USPL1: variants seen among roughly 807,000 people sequenced by gnomAD.
USPL1 encodes SUMO-specific isopeptidase USPL1.
A neutral mutation model predicts 51.5 loss-of-function variants in USPL1; 27 were observed. The observed-to-expected ratio is 0.52, with a 90% CI of 0.39 to 0.72. The LOEUF is 0.72. Ranked by LOEUF, USPL1 falls within the 30% of genes least tolerant of loss-of-function variation. USPL1 has a pLI of 0.00. For synonymous variants in USPL1, 451 were observed against 459.6 expected (o/e 0.98, Z 0.24); for missense variants, 1,226 against 1,268.0 (o/e 0.97, Z 0.50).
chr13:30,654,328 T>C (rs1043109969), intron 8 of USPL1, among the ~76,000 whole-genome samples: 1 of 152,036 alleles, frequency 6.6e-6, no homozygotes, highest in Non-Finnish European at 1.5e-5. Context: ...CCTTCCTTCC[T>C]TCGTTCCTCT....
intron 5 of USPL1, among the ~76,000 whole-genome samples, chr13:30,641,679 C>A (rs943549454): frequency 1.3e-5 from 2 of 152,176 alleles, no homozygotes; most frequent in African/African-American, 4.8e-5. Flanking sequence ...CAACAAGATT[C>A]AAATCTTCAG....
At chr13:30,650,704 C>A (rs1457248286) in intron 7 of USPL1, among the ~76,000 whole-genome samples, 1 of 150,038 alleles carries the variant, frequency 6.7e-6, no homozygotes, top group Non-Finnish European at 1.5e-5. Flanking sequence ...TTGGAACTTA[C>A]AAAGTTTCGG....
chr13:30,639,244 A>ATATATG (rs869216850), intron 5 of USPL1, among the ~76,000 whole-genome samples: 36 of 148,330 alleles, frequency 2.4e-4, no homozygotes, highest in African/African-American at 8.2e-4. Context: ...ATATATATAT[A>ATATATG]TGTGTGTATG....
intron 4 of USPL1, among the ~76,000 whole-genome samples, chr13:30,637,012 C>T (rs1950885377): frequency 6.6e-6 from 1 of 152,190 alleles, no homozygotes; most frequent in African/African-American, 2.4e-5. Flanking sequence ...GTAGTACAAT[C>T]ACAGCTCACT....
rs1472818110 is a variant in USPL1 at position 30,658,233 on chromosome 13, CATCTCAGGT to C, written c.2161_2169del (p.Gln721_Ser723del). On this transcript the variant is annotated inframe_deletion, in exon 9 of 9. Coordinates refer to ENST00000255304, the MANE Select transcript of USPL1 (RefSeq NM_005800.5). ...GAACAATTAAAACCAGAACGTGTCA[CATCTCAGGT>C]ATCTAATTTGAAGAAAAAAGAAACT... The C allele has an allele frequency of 1.2e-6, 2 of 1,612,526 alleles. No homozygotes were observed. The highest frequency in any genetic ancestry group is 2.2e-5 in the East Asian group (1 of 44,876).
intron 1 of USPL1, 63 bp from the exon 2 acceptor site, chr13:30,621,009 GC>G: frequency 1.4e-6 from 1 of 693,448 alleles, no homozygotes; most frequent in Non-Finnish European, 2.4e-6. Flanking sequence ...TTATAAAATA[GC>G]ATGGTTCTTT....
Position 30,631,441 on chromosome 13 carries a change from C to T in USPL1, c.835C>T (p.Leu279Phe), listed in dbSNP as rs1950804644. The change falls in exon 4 of 9, where the codon CTT becomes TTT. Residue 279 changes from leucine (L) to phenylalanine (F), a missense_variant. Transcript: ENST00000255304. Reference sequence around the variant, plus strand: ...TACAAAATATAATCAAGCAAATACACTTCTATATACCAGTCAATTGAGTGG... The same window carrying T: ...TACAAAATATAATCAAGCAAATACATTTCTATATACCAGTCAATTGAGTGG... ...LLTKYNQANT[L>F]LYTSQLSGVK... The T allele has an allele frequency of 1.9e-6, 3 of 1,613,940 alleles. No individual in the cohort carries two copies. The highest frequency in any genetic ancestry group is 1.1e-5 in the South Asian group (1 of 91,080).
chr13:30,618,234 A>G (rs892136813), intron 1 of USPL1, among the ~76,000 whole-genome samples, 178 bp downstream of exon 1: 2 of 152,206 alleles, frequency 1.3e-5, no homozygotes, highest in Non-Finnish European at 2.9e-5. Flanking sequence ...GTTTGGGCGC[A>G]GAGAGGTGAA....
At chr13:30,623,264 C>T (rs1018532566) in intron 3 of USPL1, among the ~76,000 whole-genome samples, 3 of 152,060 alleles carry the variant, frequency 2.0e-5, no homozygotes, top group African/African-American at 7.2e-5. Context: ...GTTTGTGCTA[C>T]TGCAATGAAA....
chr13:30,651,134 C>T (rs1358599576), intron 7 of USPL1, among the ~76,000 whole-genome samples: 3 of 152,172 alleles, frequency 2.0e-5, no homozygotes, highest in Non-Finnish European at 1.5e-5. Context: ...TTTCACTCCA[C>T]ATCAGACCCT....
At chr13:30,643,581 A>G (rs931160915) in intron 6 of USPL1, among the ~76,000 whole-genome samples, 4 of 149,338 alleles carry the variant, frequency 2.7e-5, no homozygotes, top group Non-Finnish European at 4.4e-5. Context: ...AAATTATTAC[A>G]ATAGAAATAA....
At chr13:30,622,400 C>T (rs1260933160) in intron 3 of USPL1, among the ~76,000 whole-genome samples, 2 of 152,114 alleles carry the variant, frequency 1.3e-5, no homozygotes, top group Admixed American at 6.5e-5. Flanking sequence ...CCGACTGGTA[C>T]GGCTTTTATA....
At chr13:30,655,623 G>C (rs1181080324) in intron 8 of USPL1, among the ~76,000 whole-genome samples, 1 of 152,118 alleles carries the variant, frequency 6.6e-6, no homozygotes, top group Non-Finnish European at 1.5e-5. Context: ...AGATGTACTT[G>C]TATAAGGAAA....
rs772409442 is a variant in USPL1, at chr13:30,659,294, G to T, written c.3217G>T (p.Ala1073Ser). Residue 1073 changes from alanine (A) to serine (S), a missense_variant, in exon 9 of 9, where the codon GCT (alanine) becomes TCT (serine). Coordinates refer to ENST00000255304, the MANE Select transcript of USPL1 (RefSeq NM_005800.5). Reference sequence around the variant, plus strand: ...GTTTTTTTCCTCCTCAGCATTAAATGCTTTAGCAAATGACACATTAGACCT... The same window carrying T: ...GTTTTTTTCCTCCTCAGCATTAAATTCTTTAGCAAATGACACATTAGACCT... ...DEFFSSSALN[A>S]LANDTLDLPH... is the part of the protein sequence containing the mutation. The T allele has an allele frequency of 6.2e-7, 1 of 1,613,930 alleles. No homozygotes were observed. Among genetic ancestry groups the T allele is most frequent in the Non-Finnish European group, 8.5e-7 (1 of 1,179,844 alleles).
chr13:30,631,285 G>A lies in USPL1; in HGVS notation c.679G>A (p.Val227Ile). Residue 227 changes from valine (V) to isoleucine (I), a missense_variant, in exon 4 of 9, where the codon GTC becomes ATC. Val to Ile is a conservative substitution (Grantham distance 29, BLOSUM62 3). Transcript: ENST00000255304. ...TACATCATTTCCCCAGGCTTTATGT[G>A]TCCAGTGGAAAAATGCTTATGCTCT... ...KCTSFPQALCVQWKNAYALCW... is the reference protein window; with the variant it reads ...KCTSFPQALCIQWKNAYALCW... 6.2e-7 allele frequency: 1 copy of A among 1,614,124 alleles called. No individual in the cohort carries two copies. The highest frequency in any genetic ancestry group is 8.5e-7 in the Non-Finnish European group (1 of 1,180,020).
intron 3 of USPL1, among the ~76,000 whole-genome samples, chr13:30,629,963 C>CTATTAT (rs142884305): frequency 7.9e-5 from 12 of 151,136 alleles, no homozygotes; most frequent in Admixed American, 4.0e-4. Flanking sequence ...CATTAATTAA[C>CTATTAT]TATTATTATT....
At chr13:30,638,667 T>C (rs994702650) in intron 5 of USPL1, among the ~76,000 whole-genome samples, 1 of 151,962 alleles carries the variant, frequency 6.6e-6, no homozygotes, top group Non-Finnish European at 1.5e-5. Flanking sequence ...CTTCTATTAA[T>C]GTTATAGTAG....
At chr13:30,650,427 A>G (rs1951074177) in intron 7 of USPL1, among the ~76,000 whole-genome samples, 1 of 151,970 alleles carries the variant, frequency 6.6e-6, no homozygotes, top group African/African-American at 2.4e-5. Flanking sequence ...AAATACAAAA[A>G]TCAGCTGGAT....
At chr13:30,635,490 G>A (rs1167056072) in intron 4 of USPL1, among the ~76,000 whole-genome samples, 3 of 151,960 alleles carry the variant, frequency 2.0e-5, no homozygotes, top group Admixed American at 2.0e-4. Context: ...TTATTCTCTT[G>A]GTTACTTTGT....
Sources: gnomAD v4.1 joint callset for allele counts (sites outside exome capture counted in the v4.1 genomes callset) on GRCh38, gnomAD v4.1.1 for gene constraint, MANE v1.5 for transcripts, NCBI Gene and HGNC (gene_info 2026-07-23, HGNC 2026-07-21) for gene names.